MN1: variants seen among roughly 807,000 people sequenced by gnomAD.
MN1 encodes the protein MN1 proto-oncogene, transcriptional regulator.
In MN1, 19 loss-of-function variants were observed where a neutral mutation model predicts 86.9. That is an observed-to-expected ratio of 0.22 (90% CI 0.15 to 0.32). MN1 has a LOEUF of 0.32. Among genes scored for constraint, MN1 ranks in the 10% least tolerant of loss-of-function variants. MN1 has a pLI of 1.00. For missense variants in MN1, 1,841 were observed against 1,862.0 expected (o/e 0.99, Z 0.21); for synonymous variants, 928 against 849.6 (o/e 1.09, Z -1.60).
rs1425112325 is a variant in MN1 at position 27,799,504 on chromosome 22, G to C, written c.1040C>G (p.Pro347Arg). 1 of 1,452,840 alleles carries C rather than the reference G, an allele frequency of 6.9e-7. No individual in the cohort carries two copies. Among genetic ancestry groups the C allele is most frequent in the African/African-American group, 1.4e-5 (1 of 69,530 alleles). 90.0% of individuals were successfully genotyped at this position (1,452,840 alleles called of 1,614,324 possible). Residue 347 changes from proline to arginine, a missense_variant, in exon 1 of 2, where the codon CCC (proline) becomes CGC (arginine). Transcript: ENST00000302326. Reference sequence around the variant, plus strand: ...CTGCTGCGGGGGCTGCTGCTGAGGGGGTGGCGGGGCCTGCTGGGGAGGCTG... The same window carrying C: ...CTGCTGCGGGGGCTGCTGCTGAGGGCGTGGCGGGGCCTGCTGGGGAGGCTG... ...LMQPPQQAPP[P>R]PQQQPPQQPP...
chr22:27,773,715 G>T (rs1052672849), intron 1 of MN1, among the ~76,000 whole-genome samples: 1 of 152,176 alleles, frequency 6.6e-6, no homozygotes, highest in Admixed American at 6.5e-5. Context: ...GGAGTGCAGT[G>T]GCACAATCTC....
At chr22:27,755,748 T>G (rs955898669) in intron 1 of MN1, among the ~76,000 whole-genome samples, 8 of 152,200 alleles carry the variant, frequency 5.3e-5, no homozygotes, top group Non-Finnish European at 1.2e-4. Flanking sequence ...CGTTGGATTC[T>G]GTCTTCCAAA....
rs1385609006 is a variant in MN1, at chr22:27,750,550, T to G, written c.*365A>C. 1 of 242,090 alleles carries G rather than the reference T, an allele frequency of 4.1e-6. No individual in the cohort carries two copies. Among genetic ancestry groups the G allele is most frequent in the African/African-American group, 2.2e-5 (1 of 45,584 alleles). The allele number at this position is 242,090 out of a possible 1,614,324, so 15.0% of individuals were successfully genotyped here. On this transcript the variant is annotated 3_prime_UTR_variant, in exon 2 of 2. Transcript: ENST00000302326. ...AACAATACTTGGACATACAGCAGCA[T>G]GAAAACAAAACAAGGAAAGAGGTCA...
chr22:27,800,431 G>C lies in MN1; in HGVS notation c.113C>G (p.Ala38Gly). ...LSMNTHFKAP[A>G]FHTGGPPGPV... ...GCCAGGGGGCCCCCCAGTGTGGAAA[G>C]CCGGGGCCTTAAAGTGGGTGTTCAT... Residue 38 changes from alanine (A) to glycine (G), a missense_variant, in exon 1 of 2, where the codon GCT becomes GGT. By Grantham distance (60) the Ala-to-Gly change is moderately conservative. Transcript: ENST00000302326. 6.8e-6 allele frequency: 11 copies of C among 1,614,202 alleles called. No homozygotes were observed. Among genetic ancestry groups the C allele is most frequent in the Non-Finnish European group, 9.3e-6 (11 of 1,180,032 alleles).
intron 1 of MN1, among the ~76,000 whole-genome samples, chr22:27,793,061 G>A (rs956279753): frequency 4.6e-5 from 7 of 152,172 alleles, no homozygotes; most frequent in Admixed American, 3.9e-4. Flanking sequence ...AAAAAGGGCA[G>A]GATTGCTTGC....
chr22:27,757,035 A>T (rs1443841069), intron 1 of MN1, among the ~76,000 whole-genome samples: 2 of 152,210 alleles, frequency 1.3e-5, no homozygotes, highest in African/African-American at 4.8e-5. Flanking sequence ...TGCTGGGATT[A>T]CAGGGGTGAG....
At chr22:27,753,332 A>C (rs1449223611) in intron 1 of MN1, among the ~76,000 whole-genome samples, 1 of 152,208 alleles carries the variant, frequency 6.6e-6, no homozygotes, top group Non-Finnish European at 1.5e-5. Flanking sequence ...TTGAAGTCAC[A>C]GCCCCACTAC....
At chr22:27,769,310 CAA>C (rs1253213277) in intron 1 of MN1, among the ~76,000 whole-genome samples, 1 of 152,054 alleles carries the variant, frequency 6.6e-6, no homozygotes, top group Admixed American at 6.5e-5. Flanking sequence ...ATTGCAATCA[CAA>C]AGAGTGGGAA....
chr22:27,801,060 G>A lies in MN1; in HGVS notation c.-517C>T, dbSNP rs1933428921. 4.2e-5 allele frequency: 10 copies of A among 238,038 alleles called. No individual in the cohort carries two copies. The East Asian group carries it at 6.1e-4, about 15-fold the overall frequency. The allele number at this position is 238,038 out of a possible 1,614,324, so 14.7% of individuals were successfully genotyped here. A position where few individuals can be genotyped will look rare whatever the true frequency, so the allele number is the denominator to read the frequency against. ...CCTTCAAAGCCGCGGCTGGCGCCGG[G>A]CACCGACAGAGCGGTCCCTCCCCCC... is the stretch of plus-strand genomic sequence containing the variant. On this transcript the variant is annotated 5_prime_UTR_variant, in exon 1 of 2. Transcript: ENST00000302326.
At chr22:27,793,062 G>A (rs1370911596) in intron 1 of MN1, among the ~76,000 whole-genome samples, 1 of 152,168 alleles carries the variant, frequency 6.6e-6, no homozygotes, top group African/African-American at 2.4e-5. Context: ...AAAAGGGCAG[G>A]ATTGCTTGCA....
At position 27,797,718 on chromosome 22, in the gene MN1, T is replaced by C. The variant is rs761422911; in HGVS notation, c.2826A>G (p.Gly942=). The C allele has an allele frequency of 5.6e-6, 9 of 1,611,236 alleles. No individual in the cohort carries two copies. The highest frequency in any genetic ancestry group is 7.6e-6 in the Non-Finnish European group (9 of 1,179,402). ...GKPVSGGGGR[G]RGRRKRDSGH... ...CACTGTCCCTTTTTCTGCGACCCCGTCCCCGGCCGCCGCCCCCGGAGACCG... is the reference window on the plus strand; with the variant it reads ...CACTGTCCCTTTTTCTGCGACCCCGCCCCCGGCCGCCGCCCCCGGAGACCG... The change falls in exon 1 of 2, where the codon GGA becomes GGG. Residue 942 remains glycine, a synonymous_variant. Coordinates refer to ENST00000302326, the MANE Select transcript of MN1 (RefSeq NM_002430.3).
intron 1 of MN1, among the ~76,000 whole-genome samples, chr22:27,789,620 G>A (rs1444449386): frequency 6.6e-6 from 1 of 152,178 alleles, no homozygotes; most frequent in African/African-American, 2.4e-5. Context: ...TGTTTATTGG[G>A]GAATTTTTTC....
chr22:27,761,655 G>C (rs552031347), intron 1 of MN1, among the ~76,000 whole-genome samples: 1 of 152,230 alleles, frequency 6.6e-6, no homozygotes, highest in South Asian at 2.1e-4. Context: ...CTTCTGCCCT[G>C]GGCACAGAGC....
rs956458376 is a variant in MN1 at position 27,797,953 on chromosome 22, T to C, written c.2591A>G (p.Glu864Gly). ...GCCGGCCACTGCCGCGCCGTCGGTC[T>C]CGTTCTGGCTCAGTTTCCTCTTGCC... ...PEGKRKLSQN[E>G]TDGAAVAGNP... is the part of the protein sequence containing the mutation. The change falls in exon 1 of 2, where the codon GAG becomes GGG. Residue 864 changes from glutamate to glycine, a missense_variant. By Grantham distance (98) the Glu-to-Gly change is moderately conservative. Transcript: ENST00000302326. 7 of 1,593,144 alleles carry C rather than the reference T, an allele frequency of 4.4e-6. No homozygotes were observed. Among genetic ancestry groups the C allele is most frequent in the Non-Finnish European group, 5.1e-6 (6 of 1,169,228 alleles).
At chr22:27,773,859 T>C (rs1341923350) in intron 1 of MN1, among the ~76,000 whole-genome samples, 3 of 152,222 alleles carry the variant, frequency 2.0e-5, no homozygotes, top group Admixed American at 6.5e-5. Context: ...TTCGCCATGT[T>C]GGACAGGCTG....
At position 27,759,967 on chromosome 22, in the gene MN1, C is replaced by T. The variant is rs1011966754; in HGVS notation, c.3782-8871G>A. ...GCAAGGTGGCTTACATGTGTAATCC[C>T]AGCAATTTGGGAGGTGCAGGTGGGA... On this transcript the variant is annotated intron_variant, in intron 1 of 1. Transcript: ENST00000302326. Among the ~76,000 whole-genome samples, 4 of 150,904 alleles carry T rather than the reference C, an allele frequency of 2.7e-5. No individual in the cohort carries two copies. In the Admixed American group the frequency reaches 2.7e-4, roughly 10 times the overall value.
rs1375729564 is a variant in MN1, at chr22:27,798,878, G to T, written c.1666C>A (p.Leu556Ile). The stretch of plus-strand genomic sequence containing the variant: ...CGCGACGCCATCTGCTTAATCATGA[G>T]GGCCGCGTTTTGGCGCTGCTGCTGC... ...QQQQQRQNAA[L>I]MIKQMASRNQ... Residue 556 changes from leucine to isoleucine, a missense_variant, in exon 1 of 2, where the codon CTC (leucine) becomes ATC (isoleucine). By Grantham distance (5) the Leu-to-Ile change is conservative (BLOSUM62 2). Transcript: ENST00000302326. The T allele has an allele frequency of 6.5e-7, 1 of 1,548,308 alleles. No homozygotes were observed. The highest frequency in any genetic ancestry group is 2.0e-5 in the Admixed American group (1 of 51,118).
chr22:27,798,512 C>A lies in MN1; in HGVS notation c.2032G>T (p.Gly678Cys). ...ATCCTCATCGGCTCCTGCAGAGGGC[C>A]CCGGAACAGCACCCCCGAGCCACCA... ...PPGGSGVLFR[G>C]PLQEPMRMPG... The change falls in exon 1 of 2, where the codon GGC becomes TGC. Residue 678 changes from glycine (G) to cysteine (C), a missense_variant. Gly to Cys is a radical substitution (Grantham distance 159). Transcript: ENST00000302326. 1 of 1,534,866 alleles carries A rather than the reference C, an allele frequency of 6.5e-7. No individual in the cohort carries two copies. Among genetic ancestry groups the A allele is most frequent in the East Asian group, 2.4e-5 (1 of 42,170 alleles).
chr22:27,757,348 C>T (rs1046378392), intron 1 of MN1, among the ~76,000 whole-genome samples: 16 of 152,212 alleles, frequency 1.1e-4, no homozygotes, highest in African/African-American at 3.4e-4. Flanking sequence ...TCTTACTGTT[C>T]GTGGCACTGG....
Sources: allele counts gnomAD v4.1 joint callset (sites outside exome capture counted in the v4.1 genomes callset), GRCh38; gene constraint gnomAD v4.1.1; transcripts MANE v1.5; gene names NCBI Gene and HGNC (gene_info 2026-07-23, HGNC 2026-07-21).